The following SLC26A7 variants were observed in gnomAD, a reference collection of about 807,000 sequenced individuals.
SLC26A7 encodes the protein anion exchange transporter.
SLC26A7 carries 59 observed loss-of-function variants against 82.5 expected under a neutral mutation model. The observed-to-expected ratio is 0.72, with a 90% CI of 0.58 to 0.89. SLC26A7 has a LOEUF of 0.89. SLC26A7 is among the 40% of genes least tolerant of loss of function. SLC26A7 has a pLI of 0.00. For synonymous variants in SLC26A7, 271 were observed against 274.3 expected (o/e 0.99, Z 0.12); for missense variants, 820 against 793.0 (o/e 1.03, Z -0.41).
intron 15 of SLC26A7, among the ~76,000 whole-genome samples, chr8:91,387,628 GAAT>G (rs1563714201): frequency 1.1e-4 from 16 of 151,928 alleles, no homozygotes; most frequent in Non-Finnish European, 5.9e-5. Flanking sequence ...CTCCTTTTTG[GAAT>G]CAATCTGATA....
chr8:91,344,938 T>C (rs1013398832), intron 9 of SLC26A7, among the ~76,000 whole-genome samples: 1 of 151,948 alleles, frequency 6.6e-6, no homozygotes, highest in African/African-American at 2.4e-5. Flanking sequence ...TAGCAGTTTT[T>C]TTTTTCTTTT....
At chr8:91,384,293 ACAT>A (rs1814740615) in intron 15 of SLC26A7, among the ~76,000 whole-genome samples, 1 of 152,022 alleles carries the variant, frequency 6.6e-6, no homozygotes, top group Non-Finnish European at 1.5e-5. Flanking sequence ...TGCCAGTGTG[ACAT>A]CGTCAAATCT....
chr8:91,295,647 G>A lies in SLC26A7; in HGVS notation c.421G>A (p.Glu141Lys), dbSNP rs761366431. 1 of 1,614,108 alleles carries A rather than the reference G, an allele frequency of 6.2e-7. No homozygotes were observed. The highest frequency in any genetic ancestry group is 1.1e-5 in the South Asian group (1 of 91,058). ...NTSVLGLSDFEMQRIHVAAAV... is the reference protein window; with the variant it reads ...NTSVLGLSDFKMQRIHVAAAV... ...AAGCGTGCTGGGCTTATCCGACTTTGAAATGCAAAGGATCCACGTTGCTGC... is the reference window on the plus strand; with the variant it reads ...AAGCGTGCTGGGCTTATCCGACTTTAAAATGCAAAGGATCCACGTTGCTGC... The change falls in exon 4 of 19, where the codon GAA becomes AAA. Residue 141 changes from glutamate (E) to lysine (K), a missense_variant. Coordinates refer to ENST00000276609, the MANE Select transcript of SLC26A7 (RefSeq NM_052832.4).
chr8:91,382,993 TA>T (rs2130897074), intron 15 of SLC26A7, among the ~76,000 whole-genome samples: 1 of 152,262 alleles, frequency 6.6e-6, no homozygotes, highest in African/African-American at 2.4e-5. Flanking sequence ...AGGCAGGACT[TA>T]AGTCCCTGTT....
At chr8:91,333,485 G>A (rs1294630198) in intron 5 of SLC26A7, among the ~76,000 whole-genome samples, 2 of 152,082 alleles carry the variant, frequency 1.3e-5, no homozygotes, top group South Asian at 4.1e-4. Flanking sequence ...TTACAAATAT[G>A]CCCTTTAGGC....
At chr8:91,255,528 G>T (rs1810777842) in intron 2 of SLC26A7, among the ~76,000 whole-genome samples, 1 of 152,036 alleles carries the variant, frequency 6.6e-6, no homozygotes, top group African/African-American at 2.4e-5. Flanking sequence ...GTATCTTCCT[G>T]CTAGTAACTT....
At chr8:91,296,209 C>G (rs1445779909) in intron 4 of SLC26A7, among the ~76,000 whole-genome samples, 1 of 152,176 alleles carries the variant, frequency 6.6e-6, no homozygotes, top group East Asian at 1.9e-4. Flanking sequence ...ATCTGTACCA[C>G]CAGCATCATG....
Position 91,281,242 on chromosome 8 carries a change from C to G in SLC26A7, c.194-7894C>G, listed in dbSNP as rs555317332. On this transcript the variant is annotated intron_variant, in intron 2 of 18. Transcript: ENST00000276609. The stretch of plus-strand genomic sequence containing the variant: ...TGGATTTTTACATAAGAGTATCATA[C>G]AAAACATAAGTCTGAGACTTGTTTT... Among the ~76,000 whole-genome samples the G allele has an allele frequency of 1.0e-3, 154 of 152,252 alleles. 2 individuals carry two copies. In the South Asian group the frequency reaches 0.018, roughly 18 times the overall value.
rs1405485871 is a variant in SLC26A7, at chr8:91,249,657, A to C, written c.6A>C (p.Thr2=). 1 of 1,511,704 alleles carries C rather than the reference A, an allele frequency of 6.6e-7. No individual in the cohort carries two copies. 93.6% of individuals were successfully genotyped at this position (1,511,704 alleles called of 1,614,324 possible). Reference sequence around the variant, plus strand: ...TACAAGAAGAAATCTGAAAAATGACAGGAGCAAAGAGGAAAAAGAAAAGCA... The same window carrying C: ...TACAAGAAGAAATCTGAAAAATGACCGGAGCAAAGAGGAAAAAGAAAAGCA... The part of the protein sequence containing the change: M[T]GAKRKKKSML... The change falls in exon 2 of 19, where the codon ACA becomes ACC. Residue 2 remains threonine, a synonymous_variant. Coordinates refer to ENST00000276609, the MANE Select transcript of SLC26A7 (RefSeq NM_052832.4).
intron 5 of SLC26A7, among the ~76,000 whole-genome samples, chr8:91,327,108 C>T (rs537857151): frequency 6.6e-6 from 1 of 151,988 alleles, no homozygotes; most frequent in Admixed American, 6.6e-5. Flanking sequence ...AGAATGTAGA[C>T]TTTTTTTTGG....
chr8:91,355,836 C>T (rs57308375), intron 11 of SLC26A7, among the ~76,000 whole-genome samples: 11,980 of 152,100 alleles, frequency 0.079, 728 homozygotes, highest in African/African-American at 0.17. Context: ...ATTAACTCGT[C>T]ATTTAGCATT....
chr8:91,235,849 T>C (rs180745442), intron 2 of SLC26A7, among the ~76,000 whole-genome samples: 17 of 152,312 alleles, frequency 1.1e-4, no homozygotes, highest in Admixed American at 5.9e-4. Flanking sequence ...TTGTGACTTC[T>C]ATAATATGCT....
chr8:91,225,208 C>A (rs551317228), intron 2 of SLC26A7, among the ~76,000 whole-genome samples: 1 of 152,326 alleles, frequency 6.6e-6, no homozygotes, highest in South Asian at 2.1e-4. Flanking sequence ...GTTGCTCCTC[C>A]TTCTGGGAGT....
At chr8:91,356,122 C>T (rs1318815746) in intron 11 of SLC26A7, among the ~76,000 whole-genome samples, 3 of 152,184 alleles carry the variant, frequency 2.0e-5, no homozygotes, top group Non-Finnish European at 4.4e-5. Flanking sequence ...TTAATCCAGT[C>T]TATCATTGTT....
At chr8:91,222,741 A>G (rs1014955578) in intron 2 of SLC26A7, among the ~76,000 whole-genome samples, 4 of 152,132 alleles carry the variant, frequency 2.6e-5, no homozygotes, top group African/African-American at 7.2e-5. Flanking sequence ...TTGATGTCCT[A>G]TTGGATTCAG....
chr8:91,308,246 GGTGTGTGTGTGTGTGT>G (rs35920887), intron 4 of SLC26A7, among the ~76,000 whole-genome samples: 1 of 145,652 alleles, frequency 6.9e-6, no homozygotes, highest in Admixed American at 6.9e-5. Flanking sequence ...AGGAGGAAGA[GGTGTGTGTGTGTGTGT>G]GTGTGTGTGT....
chr8:91,318,154 C>A, intron 4 of SLC26A7, 62 bp from the exon 5 acceptor site: 1 of 1,390,452 alleles, frequency 7.2e-7, no homozygotes, highest in Non-Finnish European at 9.9e-7. Context: ...AAATATTAAG[C>A]CCTCTGGGAA....
intron 4 of SLC26A7, among the ~76,000 whole-genome samples, chr8:91,317,861 GA>G (rs1812681221): frequency 1.3e-5 from 2 of 149,740 alleles, no homozygotes; most frequent in Admixed American, 1.3e-4. Context: ...TCTAAATTTA[GA>G]AAAAATACTG....
intron 2 of SLC26A7, among the ~76,000 whole-genome samples, chr8:91,269,407 G>T (rs7824256): frequency 0.11 from 16,788 of 151,816 alleles, 1,108 homozygotes; most frequent in Middle Eastern, 0.21. Context: ...AACAGTTTTT[G>T]TTGTTGTTGT....
Sources: gnomAD v4.1 joint callset for allele counts (sites outside exome capture counted in the v4.1 genomes callset) on GRCh38, gnomAD v4.1.1 for gene constraint, MANE v1.5 for transcripts, NCBI Gene and HGNC (gene_info 2026-07-23, HGNC 2026-07-21) for gene names.